The following MAN2A1 variants were observed in gnomAD, a reference collection of about 807,000 sequenced individuals.
MAN2A1 encodes the protein mannosidase alpha class 2A member 1, also known as alpha-mannosidase 2.
In MAN2A1, 76 loss-of-function variants were observed where a neutral mutation model predicts 142.6. The observed-to-expected ratio is 0.53, with a 90% CI of 0.44 to 0.65. MAN2A1 has a LOEUF of 0.65. Among genes scored for constraint, MAN2A1 ranks in the 30% least tolerant of loss-of-function variants. MAN2A1 has a pLI of 0.00. For synonymous variants in MAN2A1, 559 were observed against 473.2 expected (o/e 1.18, Z -2.35); for missense variants, 1,311 against 1,365.1 (o/e 0.96, Z 0.62).
In MAN2A1 at chr5:109,714,786, A is replaced by C. The variant is rs147909954; in HGVS notation, c.390+1012A>C. 2.7e-4 allele frequency among the ~76,000 whole-genome samples: 41 copies of C among 152,324 alleles called. No homozygotes were observed. The East Asian group carries it at 6.4e-3, about 24-fold the overall frequency. ...ATATGATCTTGAGGTCGTGGCTCAC[A>C]GGCCAAGCTGGAAGCTGGGGACAGT... On this transcript the variant is annotated intron_variant, in intron 2 of 21. Coordinates refer to ENST00000261483, the MANE Select transcript of MAN2A1 (RefSeq NM_002372.4).
chr5:109,737,529 TAG>T (rs1752139428), intron 4 of MAN2A1, among the ~76,000 whole-genome samples: 1 of 152,024 alleles, frequency 6.6e-6, no homozygotes, highest in Non-Finnish European at 1.5e-5. Context: ...TTGTAGAATA[TAG>T]AGTTTGGTAT....
rs1362071093 is a variant in MAN2A1, at chr5:109,797,334, A to G, written c.1943+7807A>G. Among the ~76,000 whole-genome samples, 9 of 152,324 alleles carry G rather than the reference A, an allele frequency of 5.9e-5. No individual in the cohort carries two copies. The East Asian group carries it at 1.7e-3, about 29-fold the overall frequency. On this transcript the variant is annotated intron_variant, in intron 12 of 21. Transcript: ENST00000261483. ...TGAGAAATATGAAACAAGGTGAAAC[A>G]CTGAAACAAAAAGATGACAAAAAAT...
chr5:109,730,526 T>G (rs1328866169), intron 4 of MAN2A1, among the ~76,000 whole-genome samples: 1 of 149,470 alleles, frequency 6.7e-6, no homozygotes, highest in Non-Finnish European at 1.5e-5. Context: ...CTTCCTAATT[T>G]CATTTTTTAC....
At chr5:109,693,397 G>A (rs985729054) in intron 1 of MAN2A1, among the ~76,000 whole-genome samples, 1 of 151,368 alleles carries the variant, frequency 6.6e-6, no homozygotes, top group Non-Finnish European at 1.5e-5. Context: ...GAGCCAAGCA[G>A]GTCGGTCACT....
Position 109,861,068 on chromosome 5 carries a change from A to G in MAN2A1, c.3172-3968A>G, listed in dbSNP as rs972236549. 2.6e-5 allele frequency among the ~76,000 whole-genome samples: 4 copies of G among 152,342 alleles called. No individual in the cohort carries two copies. The South Asian group carries it at 8.3e-4, about 32-fold the overall frequency. Reference sequence around the variant, plus strand: ...TGTTAAAAGCTTAAACTTTGGAGTCAGATGTCCTGGGTATGAGCATGTCTC... The same window carrying G: ...TGTTAAAAGCTTAAACTTTGGAGTCGGATGTCCTGGGTATGAGCATGTCTC... On this transcript the variant is annotated intron_variant, in intron 20 of 21. Transcript: ENST00000261483.
intron 19 of MAN2A1, among the ~76,000 whole-genome samples, chr5:109,851,916 G>A (rs1012997324): frequency 2.0e-5 from 3 of 151,990 alleles, no homozygotes; most frequent in Non-Finnish European, 4.4e-5. Context: ...GATCAACCAG[G>A]TTTAAGGGTA....
intron 3 of MAN2A1, among the ~76,000 whole-genome samples, chr5:109,718,287 C>A (rs1751510513): frequency 6.6e-6 from 1 of 152,152 alleles, no homozygotes; most frequent in African/African-American, 2.4e-5. Context: ...GACCTTTATT[C>A]TTTTCCTTTT....
chr5:109,851,936 G>A (rs1755491970), intron 19 of MAN2A1, among the ~76,000 whole-genome samples: 2 of 151,944 alleles, frequency 1.3e-5, no homozygotes, highest in African/African-American at 4.8e-5. Context: ...AAATACTTAG[G>A]TGACCAGAAG....
intron 19 of MAN2A1, among the ~76,000 whole-genome samples, chr5:109,850,285 A>G (rs1320485975): frequency 6.6e-6 from 1 of 152,114 alleles, no homozygotes; most frequent in Non-Finnish European, 1.5e-5. Context: ...ATTTATTGCA[A>G]TTTCTGCCTA....
chr5:109,864,774 C>T (rs1464923427), intron 20 of MAN2A1: 11 of 405,262 alleles, frequency 2.7e-5, no homozygotes, highest in South Asian at 4.9e-5. Context: ...CCTAAGTCCT[C>T]GGGGATTATA....
intron 4 of MAN2A1, among the ~76,000 whole-genome samples, chr5:109,737,434 G>C (rs188283566): frequency 8.3e-4 from 102 of 122,682 alleles, no homozygotes; most frequent in African/African-American, 3.6e-3. Flanking sequence ...TTATTCTTTA[G>C]AGATTTTTGA....
At chr5:109,731,490 A>T (rs1292554512) in intron 4 of MAN2A1, among the ~76,000 whole-genome samples, 1 of 143,610 alleles carries the variant, frequency 7.0e-6, no homozygotes, top group African/African-American at 2.6e-5. Context: ...TAGGTATATC[A>T]CCTAATGCTA....
chr5:109,691,264 A>G (rs79619281), intron 1 of MAN2A1, among the ~76,000 whole-genome samples: 2,851 of 152,292 alleles, frequency 0.019, 31 homozygotes, highest in Middle Eastern at 0.065. Context: ...CGACCCATCC[A>G]AAGTCTTATT....
intron 9 of MAN2A1, among the ~76,000 whole-genome samples, chr5:109,783,051 C>G (rs897950019): frequency 2.6e-5 from 4 of 152,068 alleles, no homozygotes; most frequent in Non-Finnish European, 5.9e-5. Context: ...TTATACTATT[C>G]TAAACTTTTC....
intron 16 of MAN2A1, among the ~76,000 whole-genome samples, chr5:109,839,488 T>C (rs961823108): frequency 5.3e-5 from 8 of 151,176 alleles, no homozygotes; most frequent in Non-Finnish European, 1.2e-4. Flanking sequence ...TGGCAGGGGT[T>C]AGTGGTTCAG....
At chr5:109,764,208 A>T (rs370562050) in intron 5 of MAN2A1, among the ~76,000 whole-genome samples, 93 of 152,302 alleles carry the variant, frequency 6.1e-4, no homozygotes, top group African/African-American at 2.1e-3. Context: ...TACTTAGAAT[A>T]ATCCAGTTTT....
intron 21 of MAN2A1, 188 bp downstream of exon 21, chr5:109,865,334 T>C: frequency 3.5e-6 from 2 of 575,184 alleles, no homozygotes; most frequent in Non-Finnish European, 6.3e-6. Flanking sequence ...CTTTCCTTGT[T>C]GACATCAAAA....
chr5:109,852,246 A>T (rs184745604), intron 19 of MAN2A1, among the ~76,000 whole-genome samples: 1 of 151,748 alleles, frequency 6.6e-6, no homozygotes, highest in Non-Finnish European at 1.5e-5. Flanking sequence ...TCCAAATGTT[A>T]TGATTCAATG....
At chr5:109,832,618 C>T (rs889682237) in intron 16 of MAN2A1, among the ~76,000 whole-genome samples, 2 of 152,212 alleles carry the variant, frequency 1.3e-5, no homozygotes, top group Non-Finnish European at 2.9e-5. Flanking sequence ...TTCCTTTCCC[C>T]ACACGTCCCC....
Sources: allele counts gnomAD v4.1 joint callset (sites outside exome capture counted in the v4.1 genomes callset), GRCh38; gene constraint gnomAD v4.1.1; transcripts MANE v1.5; gene names NCBI Gene and HGNC (gene_info 2026-07-23, HGNC 2026-07-21).